The following MAP3K4 variants were observed in gnomAD, a reference collection of about 807,000 sequenced individuals.
MAP3K4 encodes mitogen-activated protein kinase kinase kinase 4, also known as MAP three kinase 1.
A neutral mutation model predicts 185.6 loss-of-function variants in MAP3K4; 67 were observed. The observed-to-expected ratio is 0.36, with a 90% confidence interval of 0.30 to 0.44. The LOEUF (loss-of-function observed/expected upper bound fraction) is 0.44, where lower values mean the gene tolerates loss of function less well. Ranked by LOEUF, MAP3K4 falls within the 20% of genes least tolerant of loss-of-function variation. MAP3K4 has a pLI of 1.00. For synonymous variants in MAP3K4, 702 were observed against 710.4 expected, an observed-to-expected ratio of 0.99 and a Z score of 0.19; for missense variants, 1,551 against 1,995.1, an observed-to-expected ratio of 0.78 and a Z score of 4.24.
At position 161,106,569 on chromosome 6, in the gene MAP3K4, T is replaced by G; in HGVS notation, c.3912T>G (p.Phe1304Leu). ...CTATCCAGAAGTCAGTCCGATTGTT[T>G]GAAGAAAAGAGGTACCGAGAAATGA... ...IEAIQKSVRLFEEKRYREMRR... is the reference protein window; with the variant it reads ...IEAIQKSVRLLEEKRYREMRR... The change falls in exon 20 of 27, where the codon TTT becomes TTG. Residue 1304 changes from phenylalanine (F) to leucine (L), a missense_variant. Around this residue, in one of 16 missense-constraint regions of MAP3K4, gnomAD observed 272 missense variants for 301.2 expected, o/e 0.90. Transcript: ENST00000392142. This position sits in a 1 kb window ranked among gnomAD's most constrained non-coding sequence, Gnocchi z 4.9. The G allele has an allele frequency of 1.2e-6, 2 of 1,613,982 alleles. No individual in the cohort carries two copies. The highest frequency in any genetic ancestry group is 2.2e-5 in the South Asian group (2 of 91,048).
Position 161,071,251 on chromosome 6 carries a change from A to C in MAP3K4, c.1950+401A>C, listed in dbSNP as rs1318700062. On this transcript the variant is annotated intron_variant, in intron 4 of 26. Coordinates refer to ENST00000392142, the MANE Select transcript of MAP3K4 (RefSeq NM_005922.4). The surrounding 1 kb of genome is among the most constrained non-coding windows in gnomAD (Gnocchi z 4.6). ...GTTTGGACTTTCTGCTTGCTTAAGC[A>C]GTGGTATGGTTTAAACAGTAGTGAC... Among the ~76,000 whole-genome samples, 1 of 152,136 alleles carries C rather than the reference A, an allele frequency of 6.6e-6. No homozygotes were observed. Among genetic ancestry groups the C allele is most frequent in the Non-Finnish European group, 1.5e-5 (1 of 68,022 alleles).
intron 6 of MAP3K4, among the ~76,000 whole-genome samples, chr6:161,081,596 A>G (rs1005565141): frequency 1.2e-4 from 19 of 152,356 alleles, no homozygotes; most frequent in Admixed American, 7.2e-4. Context: ...GTGAAGGAAT[A>G]GAAGTGTAAA....
chr6:161,078,064 T>C (rs1307588461), intron 5 of MAP3K4, among the ~76,000 whole-genome samples: 1 of 152,154 alleles, frequency 6.6e-6, no homozygotes, highest in Non-Finnish European at 1.5e-5. Context: ...GAAGATTTTA[T>C]ACCAAATGAC....
At chr6:161,060,618 C>CTTTTTTT (rs35196179) in intron 3 of MAP3K4, among the ~76,000 whole-genome samples, 25 of 126,378 alleles carry the variant, frequency 2.0e-4, no homozygotes, top group East Asian at 4.5e-4. Flanking sequence ...TTTTCTTTTT[C>CTTTTTTT]TTTTTTTTTT....
intron 1 of MAP3K4, among the ~76,000 whole-genome samples, chr6:161,009,877 C>T (rs947672040): frequency 3.3e-5 from 5 of 151,998 alleles, no homozygotes; most frequent in Non-Finnish European, 5.9e-5. Flanking sequence ...AAGGAGGTGG[C>T]GGGGAAGAGC....
chr6:161,059,311 A>AT (rs777437720), intron 3 of MAP3K4, among the ~76,000 whole-genome samples: 2 of 151,774 alleles, frequency 1.3e-5, no homozygotes, highest in Non-Finnish European at 2.9e-5. Context: ...AATTTTTTGT[A>AT]TTTTTAGTAG....
At chr6:161,020,121 C>T (rs1427308724) in intron 1 of MAP3K4, among the ~76,000 whole-genome samples, 2 of 152,168 alleles carry the variant, frequency 1.3e-5, no homozygotes, top group African/African-American at 4.8e-5. Context: ...ACACTTATAT[C>T]CTTTAGGTGT....
chr6:161,050,793 C>G (rs1783968006), intron 3 of MAP3K4, among the ~76,000 whole-genome samples: 1 of 152,196 alleles, frequency 6.6e-6, no homozygotes, highest in Non-Finnish European at 1.5e-5. Flanking sequence ...GCATGTTCGT[C>G]TGGCTAAAAG....
At chr6:161,028,632 G>A (rs1782781823) in intron 1 of MAP3K4, among the ~76,000 whole-genome samples, 1 of 151,926 alleles carries the variant, frequency 6.6e-6, no homozygotes, top group Non-Finnish European at 1.5e-5. Context: ...TGGGGAGATA[G>A]CTTCTTATTC....
In MAP3K4 at chr6:161,082,084, C is replaced by T. The variant is rs1785487323; in HGVS notation, c.2255+1046C>T. Among the ~76,000 whole-genome samples, 1 of 151,932 alleles carries T rather than the reference C, an allele frequency of 6.6e-6. No homozygotes were observed. Among genetic ancestry groups the T allele is most frequent in the South Asian group, 2.1e-4 (1 of 4,812 alleles). ...CGTATCCACTTCTCTGTTCTAATGGCCAGTTCTTTTTACATCCTCTCTCTT... is the reference window on the plus strand; with the variant it reads ...CGTATCCACTTCTCTGTTCTAATGGTCAGTTCTTTTTACATCCTCTCTCTT... On this transcript the variant is annotated intron_variant, in intron 6 of 26. Coordinates refer to ENST00000392142, the MANE Select transcript of MAP3K4 (RefSeq NM_005922.4). This position sits in a 1 kb window ranked among gnomAD's most constrained non-coding sequence, Gnocchi z 4.2.
At chr6:160,994,125 T>C (rs967166504) in intron 1 of MAP3K4, among the ~76,000 whole-genome samples, 4 of 151,718 alleles carry the variant, frequency 2.6e-5, no homozygotes, top group African/African-American at 9.7e-5. Context: ...GCCACCTCTT[T>C]TTTTTTTTTA....
intron 3 of MAP3K4, among the ~76,000 whole-genome samples, chr6:161,062,181 A>G (rs1286610672): frequency 3.3e-5 from 5 of 152,060 alleles, no homozygotes; most frequent in Admixed American, 2.0e-4. Context: ...CTTGTTCCCA[A>G]CTTTGAGCTA....
rs1164090907 is a variant in MAP3K4 at position 161,054,558 on chromosome 6, A to G, written c.1707+4579A>G. ...TCTGTTTGCAGTTTGTTTTCATAATATGAATGCCATAAATGCCTTTAATGA... is the reference window on the plus strand; with the variant it reads ...TCTGTTTGCAGTTTGTTTTCATAATGTGAATGCCATAAATGCCTTTAATGA... On this transcript the variant is annotated intron_variant, in intron 3 of 26. Transcript: ENST00000392142. The surrounding 1 kb of genome is among the most constrained non-coding windows in gnomAD (Gnocchi z 4.2). Among the ~76,000 whole-genome samples, 2 of 152,242 alleles carry G rather than the reference A, an allele frequency of 1.3e-5. No homozygotes were observed. Among genetic ancestry groups the G allele is most frequent in the Admixed American group, 6.5e-5 (1 of 15,282 alleles).
intron 1 of MAP3K4, among the ~76,000 whole-genome samples, chr6:160,997,769 A>G (rs1781074306): frequency 6.6e-6 from 1 of 152,138 alleles, no homozygotes; most frequent in Admixed American, 6.5e-5. Context: ...TACATATTGG[A>G]GCTGCCCTCT....
At chr6:161,005,193 C>T (rs1007976953) in intron 1 of MAP3K4, among the ~76,000 whole-genome samples, 11 of 149,200 alleles carry the variant, frequency 7.4e-5, no homozygotes, top group African/African-American at 2.0e-4. Flanking sequence ...GGCTGGGGTG[C>T]GGTGGTACCA....
At chr6:161,019,624 G>A (rs1397850038) in intron 1 of MAP3K4, among the ~76,000 whole-genome samples, 3 of 152,128 alleles carry the variant, frequency 2.0e-5, no homozygotes, top group Non-Finnish European at 4.4e-5. Context: ...GGCTTGGCCG[G>A]TCTTGAACTC....
At position 161,108,654 on chromosome 6, in the gene MAP3K4, A is replaced by C. The variant is rs1778214311; in HGVS notation, c.4120-89A>C. 1 of 768,860 alleles carries C rather than the reference A, an allele frequency of 1.3e-6. No homozygotes were observed. Among genetic ancestry groups the C allele is most frequent in the Non-Finnish European group, 2.3e-6 (1 of 434,862 alleles). The allele number at this position is 768,860 out of a possible 1,614,324, so 47.6% of individuals were successfully genotyped here. ...TGACAAATCATGATTACATATATTT[A>C]TGGGGTGCAAAATGATGTTTCAGTG... On this transcript the variant is annotated intron_variant, in intron 21 of 26. Coordinates refer to ENST00000392142, the MANE Select transcript of MAP3K4 (RefSeq NM_005922.4). This position sits in a 1 kb window ranked among gnomAD's most constrained non-coding sequence, Gnocchi z 5.7.
At chr6:161,031,529 T>C (rs1249855013) in intron 1 of MAP3K4, among the ~76,000 whole-genome samples, 1 of 152,192 alleles carries the variant, frequency 6.6e-6, no homozygotes, top group Non-Finnish European at 1.5e-5. Flanking sequence ...TGCTTGTCTT[T>C]TTAGATCGTG....
chr6:161,047,035 G>A (rs984638693), intron 2 of MAP3K4, among the ~76,000 whole-genome samples: 4 of 146,318 alleles, frequency 2.7e-5, no homozygotes, highest in African/African-American at 7.5e-5. Flanking sequence ...ATAATTGATG[G>A]TGTGTTCTTA....
Sources: allele counts gnomAD v4.1 joint callset (sites outside exome capture counted in the v4.1 genomes callset), GRCh38; gene constraint gnomAD v4.1.1; regional missense constraint gnomAD v4.1.1; non-coding constraint Gnocchi (gnomAD v3.1); transcripts MANE v1.5; gene names NCBI Gene and HGNC (gene_info 2026-07-23, HGNC 2026-07-21).